GALNT18: variants seen among roughly 807,000 people sequenced by gnomAD.
The protein encoded by GALNT18 is polypeptide N-acetylgalactosaminyltransferase 18.
In GALNT18, 44 loss-of-function variants were observed where a neutral mutation model predicts 69.5. The ratio of observed to expected loss-of-function variants is 0.63; its 90% CI spans 0.50 to 0.81. The LOEUF (loss-of-function observed/expected upper bound fraction) is 0.81. Among genes scored for constraint, GALNT18 ranks in the 40% least tolerant of loss-of-function variants. GALNT18 has a pLI of 0.00. For missense variants in GALNT18, 715 were observed against 810.0 expected, an observed-to-expected ratio of 0.88 and a Z score of 1.42; for synonymous variants, 364 against 318.2, an observed-to-expected ratio of 1.14 and a Z score of -1.53.
chr11:11,427,262 G>A (rs562539319), intron 3 of GALNT18, among the ~76,000 whole-genome samples: 1 of 152,198 alleles, frequency 6.6e-6, no homozygotes, highest in Non-Finnish European at 1.5e-5. Flanking sequence ...TTCAGTCCCT[G>A]GCTTCTGAGC....
chr11:11,549,071 G>GT (rs1212292964), intron 1 of GALNT18, among the ~76,000 whole-genome samples: 23 of 152,334 alleles, frequency 1.5e-4, no homozygotes, highest in Non-Finnish European at 2.6e-4. Flanking sequence ...AGAGAAAGTG[G>GT]TATATGTAAC....
At chr11:11,275,015 C>A (rs1333401934) in intron 10 of GALNT18, among the ~76,000 whole-genome samples, 2 of 152,212 alleles carry the variant, frequency 1.3e-5, no homozygotes, top group African/African-American at 4.8e-5. Flanking sequence ...CATACATGTG[C>A]ATGGGTCTTT....
chr11:11,283,566 A>G (rs1316656053), intron 10 of GALNT18, among the ~76,000 whole-genome samples: 1 of 152,106 alleles, frequency 6.6e-6, no homozygotes, highest in Non-Finnish European at 1.5e-5. Flanking sequence ...ATGTTAGCCG[A>G]CTTCTGTCCT....
intron 10 of GALNT18, among the ~76,000 whole-genome samples, chr11:11,274,198 G>A (rs1438200187): frequency 2.0e-5 from 3 of 152,220 alleles, no homozygotes; most frequent in Admixed American, 6.5e-5. Flanking sequence ...GGCAGACCAG[G>A]ACCAGGTGTC....
intron 9 of GALNT18, among the ~76,000 whole-genome samples, chr11:11,307,705 T>TC (rs11405736): frequency 0.035 from 5,277 of 151,796 alleles, 306 homozygotes; most frequent in African/African-American, 0.12. Context: ...CACTCTTTCT[T>TC]CCTTTAAGGT....
At chr11:11,491,406 A>G (rs1034441188) in intron 1 of GALNT18, among the ~76,000 whole-genome samples, 3 of 152,234 alleles carry the variant, frequency 2.0e-5, no homozygotes, top group African/African-American at 7.2e-5. Flanking sequence ...AAGAACAATT[A>G]GTCCTGCCAG....
At chr11:11,472,823 T>C (rs1264644438) in intron 1 of GALNT18, among the ~76,000 whole-genome samples, 3 of 152,090 alleles carry the variant, frequency 2.0e-5, no homozygotes, top group African/African-American at 7.2e-5. Flanking sequence ...CTCAAAGAAA[T>C]GTCTTAGAAA....
chr11:11,287,866 C>T (rs755872000), intron 10 of GALNT18, among the ~76,000 whole-genome samples: 28 of 152,238 alleles, frequency 1.8e-4, no homozygotes, highest in Non-Finnish European at 3.1e-4. Context: ...TGGCAATGGT[C>T]CTGTATTGAG....
intron 1 of GALNT18, among the ~76,000 whole-genome samples, chr11:11,580,698 A>C (rs1396986531): frequency 1.3e-5 from 2 of 152,256 alleles, no homozygotes; most frequent in Non-Finnish European, 2.9e-5. Flanking sequence ...AGCATGTTCC[A>C]GTGACCATTG....
rs138709409 is a variant in GALNT18, at chr11:11,496,957, A to G, written c.236-48021T>C. 2.2e-3 allele frequency among the ~76,000 whole-genome samples: 335 copies of G among 152,272 alleles called. 6 individuals carry two copies. The highest frequency in any genetic ancestry group is 7.8e-3 in the African/African-American group (323 of 41,546). Reference sequence around the variant, plus strand: ...GCAACTGCCTCCCTTCTCACCTGGTAGAGCACCCAAATACTCCACCGTGGT... The same window carrying G: ...GCAACTGCCTCCCTTCTCACCTGGTGGAGCACCCAAATACTCCACCGTGGT... On this transcript the variant is annotated intron_variant, in intron 1 of 10. Coordinates refer to ENST00000227756, the MANE Select transcript of GALNT18 (RefSeq NM_198516.3). This position sits in a 1 kb window ranked among gnomAD's most constrained non-coding sequence, Gnocchi z 4.0.
At chr11:11,350,447 G>T (rs148658858) in intron 6 of GALNT18, among the ~76,000 whole-genome samples, 1 of 152,306 alleles carries the variant, frequency 6.6e-6, no homozygotes, top group Non-Finnish European at 1.5e-5. Context: ...CAGCCAACAG[G>T]CCTGATTACT....
In GALNT18 at chr11:11,480,218, ATCTT is replaced by A. The variant is rs1210959027; in HGVS notation, c.236-31286_236-31283del. Among the ~76,000 whole-genome samples, 7 of 152,084 alleles carry A rather than the reference ATCTT, an allele frequency of 4.6e-5. No individual in the cohort carries two copies. The highest frequency in any genetic ancestry group is 4.2e-4 in the South Asian group (2 of 4,804). On this transcript the variant is annotated intron_variant, in intron 1 of 10. Transcript: ENST00000227756. This position sits in a 1 kb window ranked among gnomAD's most constrained non-coding sequence, Gnocchi z 4.6. ...CAAAATAAACTAAAAGAAGGGGTCA[ATCTT>A]TCTTTATTTCTTTCTTTCTTCCTTC...
At chr11:11,557,535 C>T (rs757456136) in intron 1 of GALNT18, among the ~76,000 whole-genome samples, 3 of 152,136 alleles carry the variant, frequency 2.0e-5, no homozygotes, top group South Asian at 4.1e-4. Context: ...CCTCAGTTTC[C>T]TCATCTGAAA....
chr11:11,516,971 G>A (rs1225839795), intron 1 of GALNT18, among the ~76,000 whole-genome samples: 1 of 152,230 alleles, frequency 6.6e-6, no homozygotes, highest in East Asian at 1.9e-4. Context: ...GAGGTGGGGG[G>A]TGATTAGGTT....
chr11:11,307,753 C>G (rs542297695), intron 9 of GALNT18, among the ~76,000 whole-genome samples: 3 of 152,196 alleles, frequency 2.0e-5, no homozygotes, highest in Non-Finnish European at 4.4e-5. Flanking sequence ...CTTGACCCCC[C>G]CAAGGTCACT....
chr11:11,273,610 C>T (rs1375294135), intron 10 of GALNT18, among the ~76,000 whole-genome samples: 2 of 152,144 alleles, frequency 1.3e-5, no homozygotes, highest in Admixed American at 1.3e-4. Context: ...AAAATTATTA[C>T]AGCTACTATG....
chr11:11,350,030 G>C (rs1293062664), intron 6 of GALNT18, among the ~76,000 whole-genome samples: 7 of 152,232 alleles, frequency 4.6e-5, no homozygotes, highest in African/African-American at 1.7e-4. Flanking sequence ...TCCTCTGTTT[G>C]AAAGGGATCC....
intron 10 of GALNT18, among the ~76,000 whole-genome samples, chr11:11,282,310 C>A (rs1208142435): frequency 6.6e-6 from 1 of 152,224 alleles, no homozygotes; most frequent in Non-Finnish European, 1.5e-5. Flanking sequence ...CTTCTGCCTG[C>A]AGGTTCTGCA....
chr11:11,486,695 A>G (rs1244321792), intron 1 of GALNT18, among the ~76,000 whole-genome samples: 1 of 152,216 alleles, frequency 6.6e-6, no homozygotes, highest in Non-Finnish European at 1.5e-5. Flanking sequence ...GACTTCTAGC[A>G]TGGGGTTTGG....
Sources: gnomAD v4.1 joint callset for allele counts (sites outside exome capture counted in the v4.1 genomes callset) on GRCh38, gnomAD v4.1.1 for gene constraint, Gnocchi (gnomAD v3.1) non-coding constraint, MANE v1.5 for transcripts, NCBI Gene and HGNC (gene_info 2026-07-23, HGNC 2026-07-21) for gene names.